Variants in BCAS3 observed in about 807,000 individuals in gnomAD.
The protein encoded by BCAS3 is BCAS3 microtubule associated cell migration factor, also known as BCAS4/BCAS3 fusion.
A neutral mutation model predicts 116.1 loss-of-function variants in BCAS3; 53 were observed. The observed-to-expected ratio is 0.46, with a 90% CI of 0.37 to 0.57. BCAS3 has a LOEUF of 0.57. Among genes scored for constraint, BCAS3 ranks in the 20% least tolerant of loss-of-function variants. The pLI is 0.00. For synonymous variants in BCAS3, 391 were observed against 408.2 expected (o/e 0.96, Z 0.51); for missense variants, 917 against 1,165.4 (o/e 0.79, Z 3.10).
chr17:61,293,923 G>A (rs1169969011), intron 22 of BCAS3, among the ~76,000 whole-genome samples: 1 of 152,114 alleles, frequency 6.6e-6, no homozygotes, highest in African/African-American at 2.4e-5. Flanking sequence ...ACTGCGCCTG[G>A]CTTATTTTTG....
Position 61,368,505 on chromosome 17 carries a change from C to T in BCAS3, c.2593+11C>T. Reference sequence around the variant, plus strand: ...TGGGATCCGGAACAGGTAAAGGTGTCATCAGACTTCTAGCCTGATTTGGTC... The same window carrying T: ...TGGGATCCGGAACAGGTAAAGGTGTTATCAGACTTCTAGCCTGATTTGGTC... On this transcript the variant is annotated intron_variant, in intron 23 of 23. Coordinates refer to ENST00000407086, the MANE Select transcript of BCAS3 (RefSeq NM_017679.5). This position sits in a 1 kb window ranked among gnomAD's most constrained non-coding sequence, Gnocchi z 6.0. The T allele has an allele frequency of 6.3e-7, 1 of 1,589,680 alleles. No homozygotes were observed. The highest frequency in any genetic ancestry group is 8.6e-7 in the Non-Finnish European group (1 of 1,161,120).
At chr17:61,291,875 A>C (rs1218223090) in intron 22 of BCAS3, among the ~76,000 whole-genome samples, 1 of 152,154 alleles carries the variant, frequency 6.6e-6, no homozygotes, top group African/African-American at 2.4e-5. Context: ...AGTCCAGAGC[A>C]GTTTACACAG....
chr17:60,773,484 G>A (rs761417993), intron 6 of BCAS3, among the ~76,000 whole-genome samples: 3 of 151,632 alleles, frequency 2.0e-5, no homozygotes, highest in Non-Finnish European at 4.4e-5. Context: ...GTAGAGATGG[G>A]GTTTTGCCGT....
intron 14 of BCAS3, among the ~76,000 whole-genome samples, chr17:60,965,457 A>T (rs1196685968): frequency 6.6e-6 from 1 of 151,970 alleles, no homozygotes. Context: ...TCTGACCTCA[A>T]GTGATCTGCC....
intron 5 of BCAS3, among the ~76,000 whole-genome samples, chr17:60,732,794 G>A (rs755800498): frequency 5.3e-5 from 8 of 152,058 alleles, no homozygotes; most frequent in South Asian, 2.1e-4. Context: ...AGCCAAGATC[G>A]CACCATTGCA....
At chr17:60,729,978 A>G (rs1443822861) in intron 5 of BCAS3, among the ~76,000 whole-genome samples, 2 of 152,232 alleles carry the variant, frequency 1.3e-5, no homozygotes, top group African/African-American at 4.8e-5. Context: ...TTACATTAAC[A>G]TCTACCCTGA....
In BCAS3 at chr17:61,363,971, C is replaced by G. The variant is rs2058596049; in HGVS notation, c.2426-4356C>G. Among the ~76,000 whole-genome samples the G allele has an allele frequency of 6.6e-6, 1 of 152,228 alleles. No homozygotes were observed. The highest frequency in any genetic ancestry group is 1.9e-4 in the East Asian group (1 of 5,198). On this transcript the variant is annotated intron_variant, in intron 22 of 23. Transcript: ENST00000407086. The surrounding 1 kb of genome is among the most constrained non-coding windows in gnomAD (Gnocchi z 4.9). ...CCCAGTGCCTGCTGAAACACACCTG[C>G]AGCCTTGCTCTCACTCTGGGACAGG...
At chr17:60,790,553 T>C (rs1320030547) in intron 6 of BCAS3, among the ~76,000 whole-genome samples, 1 of 152,146 alleles carries the variant, frequency 6.6e-6, no homozygotes, top group Non-Finnish European at 1.5e-5. Flanking sequence ...AACTGTGAAA[T>C]CTGATTTGTT....
chr17:61,131,818 G>C lies in BCAS3; in HGVS notation c.2425+47254G>C, dbSNP rs2076359362. ...GGTAATGAAGACAAATGTTTCAGAG[G>C]GAGTTGAGAGAAAACCAGTCCTTGG... On this transcript the variant is annotated intron_variant, in intron 22 of 23. Coordinates refer to ENST00000407086, the MANE Select transcript of BCAS3 (RefSeq NM_017679.5). This position sits in a 1 kb window ranked among gnomAD's most constrained non-coding sequence, Gnocchi z 4.4. Among the ~76,000 whole-genome samples the C allele has an allele frequency of 6.6e-6, 1 of 152,222 alleles. No individual in the cohort carries two copies. The highest frequency in any genetic ancestry group is 2.1e-4 in the South Asian group (1 of 4,832).
At chr17:61,191,860 G>A (rs533036411) in intron 22 of BCAS3, among the ~76,000 whole-genome samples, 1 of 152,032 alleles carries the variant, frequency 6.6e-6, no homozygotes, top group South Asian at 2.1e-4. Flanking sequence ...ATGTAACTCA[G>A]TAACAATTTT....
rs558574098 is a variant in BCAS3 at position 61,382,656 on chromosome 17, CA to C, written c.2594-9310del. ...GGGTGAAAGAGCAAGACCCTGCCTC[CA>C]AAAAAAAAAAGGAAGAAGGAAAGAA... On this transcript the variant is annotated intron_variant, in intron 23 of 23. Coordinates refer to ENST00000407086, the MANE Select transcript of BCAS3 (RefSeq NM_017679.5). 7.4e-3 allele frequency: 1,005 copies of C among 136,574 alleles called. 8 individuals carry two copies. Among genetic ancestry groups the C allele is most frequent in the African/African-American group, 0.015 (544 of 37,146 alleles). 8.5% of individuals were successfully genotyped at this position (136,574 alleles called of 1,614,324 possible).
At chr17:60,929,649 A>G (rs1414361137) in intron 13 of BCAS3, among the ~76,000 whole-genome samples, 2 of 151,206 alleles carry the variant, frequency 1.3e-5, no homozygotes, top group Middle Eastern at 3.4e-3. Context: ...TACATGTGCC[A>G]TGCTGGTGTG....
intron 22 of BCAS3, among the ~76,000 whole-genome samples, chr17:61,125,830 A>G (rs1052082634): frequency 2.0e-5 from 3 of 152,190 alleles, no homozygotes; most frequent in Non-Finnish European, 4.4e-5. Context: ...AACTTTATCC[A>G]TTAGAGGAAA....
intron 14 of BCAS3, among the ~76,000 whole-genome samples, chr17:60,981,123 A>C (rs536469112): frequency 1.3e-5 from 2 of 152,264 alleles, no homozygotes; most frequent in African/African-American, 4.8e-5. Flanking sequence ...GGCATGAGCT[A>C]CCATGCCCAG....
In BCAS3 at chr17:61,376,050, A is replaced by C. The variant is rs1036658218; in HGVS notation, c.2593+7556A>C. ...CATATTTTTAAAATCTGCAATTTAG[A>C]GAGAACTTTATCCAGTCCAGCCCTA... On this transcript the variant is annotated intron_variant, in intron 23 of 23. Transcript: ENST00000407086. The surrounding 1 kb of genome is among the most constrained non-coding windows in gnomAD (Gnocchi z 4.5). Among the ~76,000 whole-genome samples, 1 of 152,236 alleles carries C rather than the reference A, an allele frequency of 6.6e-6. No homozygotes were observed. The highest frequency in any genetic ancestry group is 1.5e-5 in the Non-Finnish European group (1 of 68,050).
chr17:61,220,585 T>G lies in BCAS3; in HGVS notation c.2425+136021T>G, dbSNP rs151161919. ...TCTCTTTGCTAAAACAATGAGGTAG[T>G]TCAGTGAGGTAATACAATGACACTA... On this transcript the variant is annotated intron_variant, in intron 22 of 23. Transcript: ENST00000407086. The surrounding 1 kb of genome is among the most constrained non-coding windows in gnomAD (Gnocchi z 4.5). 6.6e-6 allele frequency among the ~76,000 whole-genome samples: 1 copy of G among 152,188 alleles called. No homozygotes were observed. The highest frequency in any genetic ancestry group is 6.5e-5 in the Admixed American group (1 of 15,276).
intron 6 of BCAS3, among the ~76,000 whole-genome samples, chr17:60,796,293 CAG>C (rs2047207428): frequency 6.6e-6 from 1 of 152,100 alleles, no homozygotes; most frequent in Admixed American, 6.6e-5. Context: ...GGAATAGTGT[CAG>C]AATGATTGGT....
At chr17:60,852,313 G>A (rs552294272) in intron 7 of BCAS3, among the ~76,000 whole-genome samples, 235 of 152,176 alleles carry the variant, frequency 1.5e-3, no homozygotes, top group African/African-American at 5.5e-3. Flanking sequence ...TGTCCACTCT[G>A]TAACATCGTT....
intron 13 of BCAS3, among the ~76,000 whole-genome samples, chr17:60,939,184 A>G (rs1292304400): frequency 2.0e-5 from 3 of 152,164 alleles, no homozygotes; most frequent in Non-Finnish European, 2.9e-5. Flanking sequence ...TAATTCCAGC[A>G]CTTTGGGAGG....
Sources: allele counts gnomAD v4.1 joint callset (sites outside exome capture counted in the v4.1 genomes callset), GRCh38; gene constraint gnomAD v4.1.1; non-coding constraint Gnocchi (gnomAD v3.1); transcripts MANE v1.5; gene names NCBI Gene and HGNC (gene_info 2026-07-23, HGNC 2026-07-21).